Variants in UBR4 observed in about 807,000 individuals in gnomAD.
UBR4 encodes ubiquitin protein ligase E3 component n-recognin 4.
Under a neutral mutation model 575.6 loss-of-function variants are expected in UBR4, and 124 were observed. The ratio of observed to expected loss-of-function variants is 0.22; its 90% confidence interval spans 0.19 to 0.25. The LOEUF (loss-of-function observed/expected upper bound fraction) is 0.25. Among genes scored for constraint, UBR4 ranks in the 10% least tolerant of loss-of-function variants. The probability of loss-of-function intolerance (pLI) is 1.00; values close to 1 mark genes in which losing one functional copy is unlikely to be tolerated. For synonymous variants in UBR4, 2,455 were observed against 2,473.7 expected (o/e 0.99, Z 0.22); for missense variants, 4,818 against 6,478.8 (o/e 0.74, Z 8.80).
intron 49 of UBR4, among the ~76,000 whole-genome samples, 167 bp downstream of exon 49, chr1:19,150,410 T>G (rs1266459869): frequency 6.6e-6 from 1 of 152,096 alleles, no homozygotes; most frequent in Admixed American, 6.5e-5. Context: ...TTTTCAGGCT[T>G]TGCACGCTAA....
intron 64 of UBR4, among the ~76,000 whole-genome samples, chr1:19,125,267 G>A (rs1441973716): frequency 6.6e-6 from 1 of 152,186 alleles, no homozygotes; most frequent in Admixed American, 6.5e-5. Context: ...AGAGTTTGAG[G>A]GCACAACGTG....
chr1:19,115,219 A>T lies in UBR4; in HGVS notation c.11063+179T>A, dbSNP rs1017968170. 6.8e-6 allele frequency among the ~76,000 whole-genome samples: 1 copy of T among 146,694 alleles called. No homozygotes were observed. The highest frequency in any genetic ancestry group is 6.8e-5 in the Admixed American group (1 of 14,798). On this transcript the variant is annotated intron_variant, in intron 74 of 105. Coordinates refer to ENST00000375254, the MANE Select transcript of UBR4 (RefSeq NM_020765.3). ...CACATGCACACACACACACACACAC[A>T]CACTCACTCACTCTCTCTTCTTCCT...
In UBR4 at chr1:19,204,038, G is replaced by A. The variant is rs180750662; in HGVS notation, c.177-2223C>T. ...TTTTGAGACAGAGTCTCGCTCTGTCGCCCAGGCTACAATGTAGTGGCACTA... is the reference window on the plus strand; with the variant it reads ...TTTTGAGACAGAGTCTCGCTCTGTCACCCAGGCTACAATGTAGTGGCACTA... On this transcript the variant is annotated intron_variant, in intron 1 of 105. Coordinates refer to ENST00000375254, the MANE Select transcript of UBR4 (RefSeq NM_020765.3). Among the ~76,000 whole-genome samples, 7 of 152,100 alleles carry A rather than the reference G, an allele frequency of 4.6e-5. No homozygotes were observed. In the East Asian group the frequency reaches 9.6e-4, roughly 21 times the overall value.
chr1:19,102,378 C>T (rs538358309), intron 87 of UBR4, among the ~76,000 whole-genome samples: 12 of 152,020 alleles, frequency 7.9e-5, no homozygotes, highest in South Asian at 4.2e-4. Context: ...AAAAAAGTCC[C>T]ACTGTTGCAT....
At chr1:19,179,263 G>A (rs577668560) in intron 17 of UBR4, 43 bp from the exon 18 acceptor site, 60 of 1,489,152 alleles carry the variant, frequency 4.0e-5, no homozygotes, top group Middle Eastern at 1.8e-4. Context: ...AAACAGATAC[G>A]GGATAAAGTC....
At chr1:19,084,298 G>C (rs1232594248) in intron 102 of UBR4, among the ~76,000 whole-genome samples, 2 of 152,194 alleles carry the variant, frequency 1.3e-5, no homozygotes, top group Non-Finnish European at 2.9e-5. Context: ...AGGGCAGTTT[G>C]GGGGAAGGAA....
At chr1:19,115,785 G>T in intron 73 of UBR4, 148 bp from the exon 74 acceptor site, 1 of 1,306,878 alleles carries the variant, frequency 7.7e-7, no homozygotes, top group Non-Finnish European at 1.0e-6. Flanking sequence ...ATAATAGGAA[G>T]CCAGTTTTAA....
intron 1 of UBR4, among the ~76,000 whole-genome samples, chr1:19,208,466 C>CAAAAA (rs71030137): frequency 1.2e-4 from 9 of 76,870 alleles, no homozygotes; most frequent in African/African-American, 2.6e-4. Flanking sequence ...GAATCCATCT[C>CAAAAA]AAAAAAAAAA....
rs755967806 is a variant in UBR4 at position 19,117,774 on chromosome 1, C to T, written c.10629+49G>A. ...TGATCCATCTCTGGAAACAAGAATC[C>T]CACTGGACCTATTGGCCTCAGGACT... On this transcript the variant is annotated intron_variant, in intron 72 of 105. Coordinates refer to ENST00000375254, the MANE Select transcript of UBR4 (RefSeq NM_020765.3). This position sits in a 1 kb window ranked among gnomAD's most constrained non-coding sequence, Gnocchi z 4.0. 4 of 1,535,898 alleles carry T rather than the reference C, an allele frequency of 2.6e-6. No individual in the cohort carries two copies. The Admixed American group carries it at 5.0e-5, about 19-fold the overall frequency.
chr1:19,168,870 C>T (rs568662975), intron 27 of UBR4, among the ~76,000 whole-genome samples: 6 of 150,958 alleles, frequency 4.0e-5, no homozygotes, highest in Non-Finnish European at 5.9e-5. Flanking sequence ...CCCAGCTACT[C>T]GGGAGGCTGA....
chr1:19,077,831 G>T (rs1201042597), intron 104 of UBR4, 145 bp downstream of exon 104: 2 of 1,548,066 alleles, frequency 1.3e-6, no homozygotes, highest in Non-Finnish European at 1.7e-6. Context: ...CCCTCCCACA[G>T]TTGGGGTTGT....
At chr1:19,182,332 T>C (rs1406831439) in intron 17 of UBR4, among the ~76,000 whole-genome samples, 1 of 136,984 alleles carries the variant, frequency 7.3e-6, no homozygotes, top group African/African-American at 2.7e-5. Context: ...TGCTGGATCA[T>C]ATAGTAATTC....
rs551113614 is a variant in UBR4 at position 19,086,384 on chromosome 1, C to T, written c.14688-114G>A. ...GGCATGCCAACACTAAGAAGTCAGTCGGCCCAGGCTCCTGACCCTGCGAAG... is the reference window on the plus strand; with the variant it reads ...GGCATGCCAACACTAAGAAGTCAGTTGGCCCAGGCTCCTGACCCTGCGAAG... On this transcript the variant is annotated intron_variant, in intron 100 of 105. Transcript: ENST00000375254. 169 of 1,365,028 alleles carry T rather than the reference C, an allele frequency of 1.2e-4. 1 individual carries two copies. The African/African-American group carries it at 2.0e-3, about 16-fold the overall frequency. The allele number at this position is 1,365,028 out of a possible 1,614,324, so 84.6% of individuals were successfully genotyped here.
intron 15 of UBR4, among the ~76,000 whole-genome samples, chr1:19,184,655 T>C (rs1467429413): frequency 6.6e-6 from 1 of 152,222 alleles, no homozygotes; most frequent in Non-Finnish European, 1.5e-5. Flanking sequence ...GAACTGTATC[T>C]GACTCACTCA....
At position 19,183,872 on chromosome 1, in the gene UBR4, G is replaced by GCA; in HGVS notation, c.2121_2122dup (p.Ala708ValfsTer12). The GCA allele has an allele frequency of 6.2e-7, 1 of 1,614,132 alleles. No individual in the cohort carries two copies. The highest frequency in any genetic ancestry group is 1.1e-5 in the South Asian group (1 of 91,078). On this transcript the variant is annotated frameshift_variant, in exon 17 of 106. Coordinates refer to ENST00000375254, the MANE Select transcript of UBR4 (RefSeq NM_020765.3). LOFTEE classifies it high-confidence loss of function. ...TGAGTGGTTGAAGTGATAGAGAGCT[G>GCA]CAGCAAACTCTTCATCTGATGAACC... is the stretch of plus-strand genomic sequence containing the variant.
Position 19,124,550 on chromosome 1 carries a change from A to G in UBR4, c.9579T>C (p.Phe3193=). The change falls in exon 65 of 106, where the codon TTT becomes TTC. Residue 3193 remains phenylalanine (F), a synonymous_variant. Transcript: ENST00000375254. ...TGGGACTTTCACTTACCTCGGAGAG[A>G]AAGTAAAACCACGAGTGGTCAAAGA... The part of the protein sequence containing the change: ...PPVFDHSWFY[F]LSEYLMIQQT... 6.2e-7 allele frequency: 1 copy of G among 1,614,174 alleles called. No homozygotes were observed. Among genetic ancestry groups the G allele is most frequent in the Non-Finnish European group, 8.5e-7 (1 of 1,179,994 alleles).
chr1:19,149,630 T>C (rs2085368887), intron 49 of UBR4: 7 of 777,322 alleles, frequency 9.0e-6, no homozygotes, highest in African/African-American at 1.9e-5. Context: ...TCTGTAGCCA[T>C]GCAATGACCA....
At chr1:19,201,517 A>T (rs1242584127) in intron 2 of UBR4, among the ~76,000 whole-genome samples, 4 of 152,232 alleles carry the variant, frequency 2.6e-5, no homozygotes, top group Non-Finnish European at 5.9e-5. Context: ...AAGTAGTTTT[A>T]AAATTCCACT....
At position 19,104,538 on chromosome 1, in the gene UBR4, T is replaced by C. The variant is rs115348200; in HGVS notation, c.12727+47A>G. 4.8e-4 allele frequency: 771 copies of C among 1,602,892 alleles called. 5 individuals carry two copies. In the African/African-American group the frequency reaches 8.5e-3, roughly 18 times the overall value. ...CACCCAAGGAACTAAGGGTTGTCCC[T>C]AAACAGATTCAGGATGCCCTAAAGG... On this transcript the variant is annotated intron_variant, in intron 86 of 105. Transcript: ENST00000375254.
Sources: allele counts gnomAD v4.1 joint callset (sites outside exome capture counted in the v4.1 genomes callset), GRCh38; gene constraint gnomAD v4.1.1; non-coding constraint Gnocchi (gnomAD v3.1); transcripts MANE v1.5; gene names NCBI Gene and HGNC (gene_info 2026-07-23, HGNC 2026-07-21).